The following WWOX variants were observed in gnomAD, a reference collection of about 807,000 sequenced individuals.
The protein encoded by WWOX is WW domain-containing oxidoreductase.
Under a neutral mutation model 46.2 loss-of-function variants are expected in WWOX, and 69 were observed. That is an observed-to-expected ratio of 1.49 (90% CI 1.23 to 1.82). The LOEUF is 1.82. Among genes scored for constraint, WWOX ranks in the 40% most tolerant of loss-of-function variants. WWOX has a pLI of 0.00. For synonymous variants in WWOX, 359 were observed against 202.6 expected, an observed-to-expected ratio of 1.77 and a Z score of -6.56; for missense variants, 919 against 542.6, an observed-to-expected ratio of 1.69 and a Z score of -6.89.
At chr16:78,811,714 G>A (rs1461834283) in intron 8 of WWOX, among the ~76,000 whole-genome samples, 2 of 151,908 alleles carry the variant, frequency 1.3e-5, no homozygotes, top group East Asian at 3.9e-4. Flanking sequence ...CTCATGAGGG[G>A]ACCCATCCTC....
At chr16:78,289,307 A>G (rs2079821758) in intron 5 of WWOX, among the ~76,000 whole-genome samples, 1 of 152,088 alleles carries the variant, frequency 6.6e-6, no homozygotes, top group Admixed American at 6.5e-5. Flanking sequence ...AGGCGAGGAG[A>G]GTTGATTTTT....
chr16:78,308,784 A>C (rs1328247031), intron 5 of WWOX, among the ~76,000 whole-genome samples: 1 of 152,124 alleles, frequency 6.6e-6, no homozygotes, highest in African/African-American at 2.4e-5. Context: ...CTTTTTGTGG[A>C]CTTATCTTAA....
chr16:79,155,665 A>G (rs1444955725), intron 8 of WWOX, among the ~76,000 whole-genome samples: 2 of 152,148 alleles, frequency 1.3e-5, no homozygotes. Flanking sequence ...GATTGTGTAC[A>G]AAGTGCAGAT....
intron 8 of WWOX, among the ~76,000 whole-genome samples, chr16:78,532,844 G>A (rs868850120): frequency 1.3e-5 from 2 of 152,192 alleles, no homozygotes; most frequent in Non-Finnish European, 2.9e-5. Flanking sequence ...CCTGCAACAT[G>A]TGGGAATTCA....
intron 8 of WWOX, among the ~76,000 whole-genome samples, chr16:78,694,868 C>T (rs953825666): frequency 9.9e-5 from 15 of 151,888 alleles, no homozygotes; most frequent in African/African-American, 3.4e-4. Context: ...TTTACATCTG[C>T]TTCCTGCACT....
chr16:78,499,202 C>T (rs1336254972), intron 8 of WWOX, among the ~76,000 whole-genome samples: 2 of 151,820 alleles, frequency 1.3e-5, no homozygotes, highest in Admixed American at 1.3e-4. Flanking sequence ...CACGCTGGCC[C>T]TAGCTCAGTG....
chr16:79,209,085 T>C (rs1416289459), intron 8 of WWOX, among the ~76,000 whole-genome samples: 1 of 152,212 alleles, frequency 6.6e-6, no homozygotes, highest in East Asian at 1.9e-4. Flanking sequence ...GGAATTTAGA[T>C]GGTAAATCAC....
intron 6 of WWOX, among the ~76,000 whole-genome samples, chr16:78,415,900 C>A (rs775946733): frequency 2.6e-5 from 4 of 152,242 alleles, no homozygotes; most frequent in Non-Finnish European, 5.9e-5. Context: ...GAAGGGGTTG[C>A]TGGTTTGTAA....
chr16:78,928,203 C>CTTT (rs969068848), intron 8 of WWOX, among the ~76,000 whole-genome samples: 13 of 134,214 alleles, frequency 9.7e-5, no homozygotes, highest in East Asian at 4.3e-4. Context: ...TACCACTTTT[C>CTTT]TTTTTTTTTT....
chr16:78,629,545 TA>T (rs1421504502), intron 8 of WWOX, among the ~76,000 whole-genome samples: 5 of 152,306 alleles, frequency 3.3e-5, no homozygotes, highest in African/African-American at 1.2e-4. Context: ...TCCCTTAGGA[TA>T]AAATAACAAA....
intron 8 of WWOX, chr16:78,896,479 A>G (rs1435932699): frequency 1.3e-5 from 2 of 151,966 alleles, no homozygotes; most frequent in African/African-American, 4.8e-5. Flanking sequence ...TGCTTCCCCT[A>G]CCCCTTCCGT....
intron 8 of WWOX, among the ~76,000 whole-genome samples, chr16:78,941,742 C>T (rs1412662490): frequency 2.0e-5 from 3 of 152,036 alleles, no homozygotes; most frequent in Non-Finnish European, 2.9e-5. Context: ...GGCAGTTAAT[C>T]GCCTTACAAT....
intron 8 of WWOX, among the ~76,000 whole-genome samples, chr16:78,549,140 C>G (rs1473120490): frequency 6.6e-6 from 1 of 152,132 alleles, no homozygotes; most frequent in Non-Finnish European, 1.5e-5. Flanking sequence ...TGGAGGTGTA[C>G]TACATCCGTA....
intron 8 of WWOX, among the ~76,000 whole-genome samples, chr16:78,917,073 T>C (rs1274709678): frequency 1.3e-5 from 2 of 152,196 alleles, no homozygotes; most frequent in African/African-American, 4.8e-5. Flanking sequence ...TCTTTCCAGA[T>C]TCAATATAGT....
Position 79,211,674 on chromosome 16 carries a change from T to C in WWOX, c.1123T>C (p.Tyr375His). The C allele has an allele frequency of 6.2e-7, 1 of 1,614,236 alleles. No individual in the cohort carries two copies. Among genetic ancestry groups the C allele is most frequent in the African/African-American group, 1.3e-5 (1 of 75,060 alleles). The change falls in exon 9 of 9, where the codon TAC (tyrosine) becomes CAC (histidine). Residue 375 changes from tyrosine (Y) to histidine (H), a missense_variant. Coordinates refer to ENST00000566780, the MANE Select transcript of WWOX (RefSeq NM_016373.4). ...VPELEGLGGM[Y>H]FNNCCRCMPS... ...AGAACTGGAGGGTCTGGGAGGGATG[T>C]ACTTCAACAACTGCTGCCGCTGCAT...
intron 8 of WWOX, among the ~76,000 whole-genome samples, chr16:78,497,840 C>A (rs1231994999): frequency 7.3e-6 from 1 of 137,850 alleles, no homozygotes; most frequent in East Asian, 2.2e-4. Flanking sequence ...AGATTATACA[C>A]CGGAGTTACT....
Position 78,702,546 on chromosome 16 carries a change from TC to T in WWOX, c.1056+269795del, listed in dbSNP as rs555439991. ...CATGTCTGTAATCCCAAATGCTTGC[TC>T]GGGAGGCTGAGGCAGGAGAATCACT... On this transcript the variant is annotated intron_variant, in intron 8 of 8. Transcript: ENST00000566780. Among the ~76,000 whole-genome samples the T allele has an allele frequency of 3.3e-3, 494 of 151,696 alleles. 3 individuals are homozygous for T. Among genetic ancestry groups the T allele is most frequent in the African/African-American group, 0.011 (471 of 41,350 alleles).
At chr16:78,144,061 A>G (rs1251237937) in intron 4 of WWOX, among the ~76,000 whole-genome samples, 2 of 152,178 alleles carry the variant, frequency 1.3e-5, no homozygotes, top group Non-Finnish European at 2.9e-5. Flanking sequence ...AGTCAAGATA[A>G]TAGAATATTC....
chr16:79,045,648 T>A (rs1386080606), intron 8 of WWOX, among the ~76,000 whole-genome samples: 1 of 152,062 alleles, frequency 6.6e-6, no homozygotes, highest in East Asian at 1.9e-4. Context: ...GCACCTGAGT[T>A]TTGCATCTTG....
Sources: allele counts gnomAD v4.1 joint callset (sites outside exome capture counted in the v4.1 genomes callset), GRCh38; gene constraint gnomAD v4.1.1; transcripts MANE v1.5; gene names NCBI Gene and HGNC (gene_info 2026-07-23, HGNC 2026-07-21).